Variants in MAP4K3 observed in about 807,000 individuals in gnomAD.
The protein encoded by MAP4K3 is MAPK/ERK kinase kinase kinase 3.
In MAP4K3, 94 loss-of-function variants were observed where a neutral mutation model predicts 143.5. The ratio of observed to expected loss-of-function variants is 0.65; its 90% CI spans 0.55 to 0.78. MAP4K3 has a LOEUF of 0.78. Among genes scored for constraint, MAP4K3 ranks in the 30% least tolerant of loss-of-function variants. MAP4K3 has a pLI of 0.00. For synonymous variants in MAP4K3, 416 were observed against 347.2 expected (o/e 1.20, Z -2.20); for missense variants, 1,077 against 1,068.1 (o/e 1.01, Z -0.12).
chr2:39,382,028 C>T (rs1048837493), intron 1 of MAP4K3, among the ~76,000 whole-genome samples: 9 of 152,174 alleles, frequency 5.9e-5, no homozygotes, highest in Non-Finnish European at 1.2e-4. Context: ...AGACCGATCT[C>T]GGCTTAGAGG....
At chr2:39,302,929 G>A (rs1682563459) in intron 15 of MAP4K3, 1 of 164,820 alleles carries the variant, frequency 6.1e-6, no homozygotes, top group African/African-American at 2.4e-5. Context: ...AATTTCAGAT[G>A]GAATTTCTAA....
intron 1 of MAP4K3, among the ~76,000 whole-genome samples, chr2:39,402,424 G>T (rs1205260345): frequency 6.6e-6 from 1 of 152,028 alleles, no homozygotes; most frequent in Admixed American, 6.5e-5. Flanking sequence ...CAAGAGAAAT[G>T]AGCAGAAAGC....
At chr2:39,320,208 A>G (rs932705447) in intron 12 of MAP4K3, among the ~76,000 whole-genome samples, 5 of 152,220 alleles carry the variant, frequency 3.3e-5, no homozygotes, top group African/African-American at 1.2e-4. Context: ...AAGTATTTCA[A>G]TAATTCAATA....
At position 39,299,771 on chromosome 2, in the gene MAP4K3, G is replaced by GGTGTA; in HGVS notation, c.1149_1150insTACAC (p.Gln384TyrfsTer8). ...TTTGCACCTAAAAAGTAACCACCTT[G>GGTGTA]GTGTCCTTGTCCATATTCCAGTTGC... On this transcript the variant is annotated frameshift_variant, in exon 16 of 34. Coordinates refer to ENST00000263881, the MANE Select transcript of MAP4K3 (RefSeq NM_003618.4). LOFTEE classifies it high-confidence loss of function. 6.3e-7 allele frequency: 1 copy of GGTGTA among 1,575,256 alleles called. No individual in the cohort carries two copies. Among genetic ancestry groups the GGTGTA allele is most frequent in the Non-Finnish European group, 8.6e-7 (1 of 1,162,442 alleles).
Position 39,344,903 on chromosome 2 carries a change from G to A in MAP4K3, c.246-1451C>T, listed in dbSNP as rs541591682. Among the ~76,000 whole-genome samples the A allele has an allele frequency of 7.2e-5, 11 of 152,258 alleles. No individual in the cohort carries two copies. The East Asian group carries it at 2.1e-3, about 29-fold the overall frequency. On this transcript the variant is annotated intron_variant, in intron 3 of 33. Transcript: ENST00000263881. ...AGACTGCCTGAAGAGACAGTAGCAGGAAATAAACCCAGAATAGGCTGGGTC... is the reference window on the plus strand; with the variant it reads ...AGACTGCCTGAAGAGACAGTAGCAGAAAATAAACCCAGAATAGGCTGGGTC...
chr2:39,287,720 A>AT (rs1376291438), intron 20 of MAP4K3, among the ~76,000 whole-genome samples: 1 of 152,124 alleles, frequency 6.6e-6, no homozygotes, highest in Non-Finnish European at 1.5e-5. Context: ...AATACCAATT[A>AT]TTTTTTTAGA....
intron 4 of MAP4K3, among the ~76,000 whole-genome samples, chr2:39,341,633 G>A (rs112282437): frequency 0.027 from 4,147 of 151,364 alleles, 178 homozygotes; most frequent in African/African-American, 0.096. Context: ...TCCAGCCTGC[G>A]CGACAGAGCA....
At chr2:39,418,729 A>G (rs1000686419) in intron 1 of MAP4K3, among the ~76,000 whole-genome samples, 4 of 147,760 alleles carry the variant, frequency 2.7e-5, no homozygotes, top group Non-Finnish European at 4.5e-5. Context: ...TAACCATGAG[A>G]AAAAAAAAAA....
At chr2:39,313,668 A>G (rs553680013) in intron 13 of MAP4K3, among the ~76,000 whole-genome samples, 1 of 152,198 alleles carries the variant, frequency 6.6e-6, no homozygotes, top group Admixed American at 6.5e-5. Context: ...ACACACCAAC[A>G]GGCCCGGCTA....
chr2:39,368,137 T>C (rs1665975710), intron 2 of MAP4K3, among the ~76,000 whole-genome samples: 1 of 152,134 alleles, frequency 6.6e-6, no homozygotes, highest in African/African-American at 2.4e-5. Context: ...ACTGAATTTC[T>C]AGTGAAAATC....
At chr2:39,371,434 T>C (rs1265423370) in intron 2 of MAP4K3, among the ~76,000 whole-genome samples, 2 of 152,182 alleles carry the variant, frequency 1.3e-5, no homozygotes, top group Non-Finnish European at 2.9e-5. Context: ...TCAAAGTGAC[T>C]TAGGTTCTCC....
chr2:39,340,401 A>G (rs2148531964), intron 4 of MAP4K3, among the ~76,000 whole-genome samples: 1 of 152,340 alleles, frequency 6.6e-6, no homozygotes, highest in South Asian at 2.1e-4. Flanking sequence ...AAGCATATGA[A>G]TCCCCAATAT....
chr2:39,369,205 G>GTTTTTGTTTTTTTT (rs1553419628), intron 2 of MAP4K3, among the ~76,000 whole-genome samples: 35 of 125,368 alleles, frequency 2.8e-4, no homozygotes, highest in Admixed American at 6.9e-4. Context: ...TTTTTTTTTT[G>GTTTTTGTTTTTTTT]TTTTTTTTGA....
chr2:39,289,988 G>A (rs550766796), intron 19 of MAP4K3, among the ~76,000 whole-genome samples: 255 of 151,852 alleles, frequency 1.7e-3, no homozygotes, highest in Non-Finnish European at 2.3e-3. Context: ...TGGGGAGGCT[G>A]AGGCAGGAGA....
intron 13 of MAP4K3, among the ~76,000 whole-genome samples, chr2:39,314,084 C>T (rs1683035416): frequency 6.6e-6 from 1 of 152,024 alleles, no homozygotes; most frequent in Admixed American, 6.6e-5. Context: ...GGCTGGAGTG[C>T]AGTGGCAGGA....
chr2:39,389,659 A>T (rs1202606748), intron 1 of MAP4K3, among the ~76,000 whole-genome samples: 1 of 152,216 alleles, frequency 6.6e-6, no homozygotes, highest in Non-Finnish European at 1.5e-5. Flanking sequence ...GTCAGTCTAG[A>T]ATTATATTCT....
chr2:39,364,010 A>AG lies in MAP4K3; in HGVS notation c.155-7672dup, dbSNP rs397984360. 2.7e-3 allele frequency among the ~76,000 whole-genome samples: 412 copies of AG among 150,378 alleles called. 1 individual carries two copies. The highest frequency in any genetic ancestry group is 9.3e-3 in the African/African-American group (380 of 41,042). On this transcript the variant is annotated intron_variant, in intron 2 of 33. Transcript: ENST00000263881. ...GCCATTATAAAAAAAAAAAAAAAAAAGAAGACAATAGCAAGTGTTGTCCAG... is the reference window on the plus strand; with the variant it reads ...GCCATTATAAAAAAAAAAAAAAAAAAGGAAGACAATAGCAAGTGTTGTCCAG...
chr2:39,388,336 C>T (rs1572478217), intron 1 of MAP4K3, among the ~76,000 whole-genome samples: 1 of 152,140 alleles, frequency 6.6e-6, no homozygotes, highest in South Asian at 2.1e-4. Flanking sequence ...CTAGAAATAG[C>T]AGACAAGATA....
chr2:39,437,148 A>C lies in MAP4K3; in HGVS notation c.-161T>G. ...CGCCGCCGCCGCCGCCGCTCCCCTC[A>C]CGCCGCTGCGGACGACGACAAGCGG... On this transcript the variant is annotated 5_prime_UTR_variant, in exon 1 of 34. Transcript: ENST00000263881. The C allele has an allele frequency of 4.8e-6, 2 of 420,920 alleles. No homozygotes were observed. Among genetic ancestry groups the C allele is most frequent in the Non-Finnish European group, 8.1e-6 (2 of 245,780 alleles). 26.1% of individuals were successfully genotyped at this position (420,920 alleles called of 1,614,324 possible). A position where few individuals can be genotyped will look rare whatever the true frequency, so the allele number is the denominator to read the frequency against.
Sources: gnomAD v4.1 joint callset for allele counts (sites outside exome capture counted in the v4.1 genomes callset) on GRCh38, gnomAD v4.1.1 for gene constraint, MANE v1.5 for transcripts, NCBI Gene and HGNC (gene_info 2026-07-23, HGNC 2026-07-21) for gene names.